The following SGPL1 variants were observed in gnomAD, a reference collection of about 807,000 sequenced individuals.
The protein encoded by SGPL1 is SP-lyase 1.
A neutral mutation model predicts 68.9 loss-of-function variants in SGPL1; 37 were observed. The ratio of observed to expected loss-of-function variants is 0.54; its 90% CI spans 0.41 to 0.71. The LOEUF (loss-of-function observed/expected upper bound fraction) is 0.71, where lower values mean the gene tolerates loss of function less well. Ranked by LOEUF, SGPL1 falls within the 30% of genes least tolerant of loss-of-function variation. SGPL1 has a pLI of 0.00. For missense variants in SGPL1, 551 were observed against 704.6 expected, an observed-to-expected ratio of 0.78 and a Z score of 2.47; for synonymous variants, 236 against 248.5, an observed-to-expected ratio of 0.95 and a Z score of 0.47.
At chr10:70,869,771 C>T (rs572525314) in intron 8 of SGPL1, 21 bp from the exon 9 acceptor site, 9 of 1,596,864 alleles carry the variant, frequency 5.6e-6, no homozygotes, top group Non-Finnish European at 7.7e-6. Context: ...TTACATTATT[C>T]TCCTCTTCCC....
intron 2 of SGPL1, among the ~76,000 whole-genome samples, chr10:70,819,687 G>A (rs746886700): frequency 6.8e-6 from 1 of 147,520 alleles, no homozygotes; most frequent in Non-Finnish European, 1.5e-5. Context: ...CTGGAGTGCA[G>A]TGGCATGATC....
intron 13 of SGPL1, 92 bp downstream of exon 13, chr10:70,875,640 C>A: frequency 3.1e-6 from 3 of 959,580 alleles, no homozygotes; most frequent in Non-Finnish European, 4.7e-6. Flanking sequence ...AGTTTGACTG[C>A]TAGAGGCTAG....
At chr10:70,829,053 A>T (rs555118860) in intron 2 of SGPL1, among the ~76,000 whole-genome samples, 58 of 152,256 alleles carry the variant, frequency 3.8e-4, no homozygotes, top group Admixed American at 1.8e-3. Context: ...AGTGGAAGAA[A>T]GCCTAAGACT....
chr10:70,858,783 T>C (rs957021653), intron 6 of SGPL1, among the ~76,000 whole-genome samples: 8 of 152,222 alleles, frequency 5.3e-5, no homozygotes, highest in Non-Finnish European at 1.2e-4. Context: ...TTTTACGTTG[T>C]TTTCCTTCCC....
chr10:70,871,899 C>CT lies in SGPL1; in HGVS notation c.975dup (p.Met326TyrfsTer13). ...CTTGTCTGGGAGGCTTCCTCATCGT[C>CT]TTTATGGAGAAAGCAGGATACCCAC... On this transcript the variant is annotated frameshift_variant, in exon 11 of 15. Transcript: ENST00000373202. LOFTEE classifies it high-confidence loss of function. 6.2e-7 allele frequency: 1 copy of CT among 1,614,054 alleles called. No homozygotes were observed. The highest frequency in any genetic ancestry group is 8.5e-7 in the Non-Finnish European group (1 of 1,179,984).
intron 7 of SGPL1, among the ~76,000 whole-genome samples, chr10:70,863,728 C>T (rs546745558): frequency 6.6e-6 from 1 of 152,218 alleles, no homozygotes; most frequent in Admixed American, 6.5e-5. Flanking sequence ...TTCCTTGTTA[C>T]ACATTCTTGA....
chr10:70,816,982 TG>T, intron 2 of SGPL1, 102 bp downstream of exon 2: 1 of 1,147,304 alleles, frequency 8.7e-7, no homozygotes, highest in Non-Finnish European at 1.3e-6. Flanking sequence ...TGCTTGCTTT[TG>T]GTAGCTGAGC....
intron 7 of SGPL1, among the ~76,000 whole-genome samples, chr10:70,861,905 C>T (rs965410521): frequency 2.0e-5 from 3 of 152,352 alleles, no homozygotes; most frequent in East Asian, 1.9e-4. Flanking sequence ...ACCTGCAGCC[C>T]GCCATGCCTG....
intron 3 of SGPL1, among the ~76,000 whole-genome samples, chr10:70,849,810 C>T (rs1845850251): frequency 6.6e-6 from 1 of 152,192 alleles, no homozygotes; most frequent in Non-Finnish European, 1.5e-5. Flanking sequence ...CTTATAGACT[C>T]AAACAGAAAA....
intron 2 of SGPL1, among the ~76,000 whole-genome samples, chr10:70,819,873 G>T (rs1845309065): frequency 6.6e-6 from 1 of 152,020 alleles, no homozygotes; most frequent in Admixed American, 6.6e-5. Flanking sequence ...GGGCTCAAGG[G>T]ATCCAACCGC....
chr10:70,824,811 C>T (rs1053799472), intron 2 of SGPL1, among the ~76,000 whole-genome samples: 1 of 152,086 alleles, frequency 6.6e-6, no homozygotes, highest in Non-Finnish European at 1.5e-5. Flanking sequence ...TAAAAGCTCC[C>T]TGTAGGACAG....
chr10:70,877,892 G>T lies in SGPL1; in HGVS notation c.*557G>T, dbSNP rs1418552299. 1 of 135,042 alleles carries T rather than the reference G, an allele frequency of 7.4e-6. No individual in the cohort carries two copies. The highest frequency in any genetic ancestry group is 1.5e-5 in the Non-Finnish European group (1 of 65,932). The allele number at this position is 135,042 out of a possible 1,614,324, so 8.4% of individuals were successfully genotyped here. On this transcript the variant is annotated 3_prime_UTR_variant, in exon 15 of 15. Transcript: ENST00000373202. ...TGCAGTGGCATGATCTCAGCTCACT[G>T]CAACCTCCACCCACTGGGTTCAAGC...
At chr10:70,864,414 G>C (rs1346371387) in intron 7 of SGPL1, among the ~76,000 whole-genome samples, 1 of 152,052 alleles carries the variant, frequency 6.6e-6, no homozygotes, top group Non-Finnish European at 1.5e-5. Flanking sequence ...ACTTATTTCA[G>C]ACCTTTTCCT....
At chr10:70,873,725 G>A in intron 12 of SGPL1, 136 bp downstream of exon 12, 3 of 707,072 alleles carry the variant, frequency 4.2e-6, no homozygotes, top group Non-Finnish European at 7.5e-6. Flanking sequence ...TAGGGCAGCA[G>A]CTTAGGGCTT....
At chr10:70,861,706 G>A (rs1846059347) in intron 7 of SGPL1, among the ~76,000 whole-genome samples, 1 of 152,232 alleles carries the variant, frequency 6.6e-6, no homozygotes, top group African/African-American at 2.4e-5. Context: ...AGTTCCCGGT[G>A]AGCATGGGCT....
intron 2 of SGPL1, among the ~76,000 whole-genome samples, chr10:70,835,824 C>G (rs1845619948): frequency 6.6e-6 from 1 of 151,152 alleles, no homozygotes; most frequent in Admixed American, 6.6e-5. Flanking sequence ...TTCCCAGAAA[C>G]TTGACTCTAT....
At position 70,873,557 on chromosome 10, in the gene SGPL1, G is replaced by T. The variant is rs746523618; in HGVS notation, c.1266G>T (p.Gln422His). ...ACGGCTATGTTGAAGCTACCAAACA[G>T]ATCATCAAAACTGCTCGCTTCCTCA... ...GENGYVEATK[Q>H]IIKTARFLKS... The change falls in exon 12 of 15, where the codon CAG (glutamine) becomes CAT (histidine). Residue 422 changes from glutamine (Q) to histidine (H), a missense_variant. Transcript: ENST00000373202. 1.2e-6 allele frequency: 2 copies of T among 1,614,144 alleles called. No individual in the cohort carries two copies. Among genetic ancestry groups the T allele is most frequent in the South Asian group, 2.2e-5 (2 of 91,088 alleles).
chr10:70,827,077 C>G (rs989846903), intron 2 of SGPL1, among the ~76,000 whole-genome samples: 2 of 152,178 alleles, frequency 1.3e-5, no homozygotes, highest in East Asian at 3.8e-4. Context: ...TAAAGGCATA[C>G]ATGCCTAACT....
chr10:70,872,567 GGAA>G (rs1846314970), intron 11 of SGPL1, among the ~76,000 whole-genome samples: 2 of 152,200 alleles, frequency 1.3e-5, no homozygotes, highest in Non-Finnish European at 2.9e-5. Context: ...ATCCAGATGT[GGAA>G]GAAGTATTAG....
Sources: allele counts gnomAD v4.1 joint callset (sites outside exome capture counted in the v4.1 genomes callset), GRCh38; gene constraint gnomAD v4.1.1; transcripts MANE v1.5; gene names NCBI Gene and HGNC (gene_info 2026-07-23, HGNC 2026-07-21).